Variants in CAMKMT observed in about 807,000 individuals in gnomAD.
The protein encoded by CAMKMT is calmodulin-lysine N-methyltransferase.
Under a neutral mutation model 48.0 loss-of-function variants are expected in CAMKMT, and 53 were observed. The observed-to-expected ratio is 1.10, with a 90% CI of 0.89 to 1.39. CAMKMT has a LOEUF of 1.39. Ranked by LOEUF, CAMKMT falls within the 40% of genes most tolerant of loss-of-function variation. The pLI is 0.00. For synonymous variants in CAMKMT, 165 were observed against 152.3 expected, an observed-to-expected ratio of 1.08 and a Z score of -0.61; for missense variants, 428 against 402.7, an observed-to-expected ratio of 1.06 and a Z score of -0.54.
chr2:44,669,294 T>C (rs565264689), intron 3 of CAMKMT, among the ~76,000 whole-genome samples: 12 of 152,356 alleles, frequency 7.9e-5, no homozygotes, highest in Non-Finnish European at 1.6e-4. Flanking sequence ...AATATTCTAC[T>C]GTATGATATT....
At chr2:44,430,769 G>C (rs376274780) in intron 3 of CAMKMT, among the ~76,000 whole-genome samples, 8 of 152,082 alleles carry the variant, frequency 5.3e-5, no homozygotes, top group African/African-American at 1.9e-4. Context: ...TGGCTTTACT[G>C]TTAAAAGTAA....
At chr2:44,478,959 A>C (rs554673194) in intron 3 of CAMKMT, among the ~76,000 whole-genome samples, 25 of 152,262 alleles carry the variant, frequency 1.6e-4, no homozygotes, top group African/African-American at 6.0e-4. Flanking sequence ...TCGGCCTCCC[A>C]AGGTGCTGGG....
At chr2:44,441,737 T>G (rs1666677018) in intron 3 of CAMKMT, among the ~76,000 whole-genome samples, 1 of 152,230 alleles carries the variant, frequency 6.6e-6, no homozygotes, top group South Asian at 2.1e-4. Context: ...CTTATATAAC[T>G]AGTTGTACTG....
intron 3 of CAMKMT, among the ~76,000 whole-genome samples, chr2:44,409,499 C>T (rs1046314839): frequency 6.6e-6 from 1 of 152,062 alleles, no homozygotes; most frequent in East Asian, 1.9e-4. Context: ...TGCGTTATCA[C>T]AAATAAGTAA....
At chr2:44,661,848 G>C (rs1209433096) in intron 3 of CAMKMT, among the ~76,000 whole-genome samples, 3 of 152,112 alleles carry the variant, frequency 2.0e-5, no homozygotes, top group Non-Finnish European at 2.9e-5. Flanking sequence ...GACAGGTGGT[G>C]GTAAAATAGA....
At chr2:44,615,059 T>C (rs568813362) in intron 3 of CAMKMT, among the ~76,000 whole-genome samples, 2 of 124,534 alleles carry the variant, frequency 1.6e-5, no homozygotes, top group African/African-American at 5.9e-5. Context: ...ACCTGAGTAG[T>C]TGGGACTACA....
At chr2:44,622,092 C>T (rs2103936867) in intron 3 of CAMKMT, among the ~76,000 whole-genome samples, 1 of 152,280 alleles carries the variant, frequency 6.6e-6, no homozygotes, top group African/African-American at 2.4e-5. Flanking sequence ...AAATCATTCT[C>T]TAGGAGAGTC....
intron 3 of CAMKMT, among the ~76,000 whole-genome samples, chr2:44,482,408 G>C (rs2104686288): frequency 1.3e-5 from 2 of 152,246 alleles, no homozygotes; most frequent in South Asian, 4.1e-4. Context: ...TAGTGTGAAT[G>C]ATTATCATTG....
At chr2:44,688,163 A>G (rs963531054) in intron 3 of CAMKMT, among the ~76,000 whole-genome samples, 2 of 152,212 alleles carry the variant, frequency 1.3e-5, no homozygotes, top group African/African-American at 4.8e-5. Flanking sequence ...AAACTGGGGA[A>G]GGAAAATGAA....
intron 3 of CAMKMT, among the ~76,000 whole-genome samples, chr2:44,424,568 C>G (rs1238116285): frequency 1.3e-5 from 2 of 152,154 alleles, no homozygotes; most frequent in Non-Finnish European, 2.9e-5. Flanking sequence ...ACTACCAGGC[C>G]TGACGGAATA....
chr2:44,516,305 A>G (rs1172966640), intron 3 of CAMKMT, among the ~76,000 whole-genome samples: 1 of 152,206 alleles, frequency 6.6e-6, no homozygotes, highest in Non-Finnish European at 1.5e-5. Flanking sequence ...GGGGGAAGCC[A>G]TGCAGTTAAA....
intron 3 of CAMKMT, among the ~76,000 whole-genome samples, chr2:44,438,016 C>T (rs1666388063): frequency 6.6e-6 from 1 of 152,008 alleles, no homozygotes; most frequent in African/African-American, 2.4e-5. Flanking sequence ...CTTCTTATTC[C>T]ATGTTCTAAG....
chr2:44,732,581 T>C (rs1277330561), intron 7 of CAMKMT, among the ~76,000 whole-genome samples: 2 of 152,230 alleles, frequency 1.3e-5, no homozygotes, highest in African/African-American at 4.8e-5. Flanking sequence ...GTTCAGTTTG[T>C]TTAAAAAACA....
At chr2:44,741,190 G>T (rs1679658582) in intron 7 of CAMKMT, among the ~76,000 whole-genome samples, 1 of 152,202 alleles carries the variant, frequency 6.6e-6, no homozygotes, top group African/African-American at 2.4e-5. Context: ...AAAAGTATTG[G>T]TCTGCAACAG....
intron 3 of CAMKMT, among the ~76,000 whole-genome samples, chr2:44,523,292 C>CTT (rs869152391): frequency 2.4e-4 from 32 of 131,262 alleles, no homozygotes; most frequent in African/African-American, 6.2e-4. Flanking sequence ...AGGGGACCCA[C>CTT]TTTTTTTTTT....
intron 3 of CAMKMT, among the ~76,000 whole-genome samples, chr2:44,489,656 A>C (rs1308351825): frequency 6.6e-6 from 1 of 152,222 alleles, no homozygotes; most frequent in Non-Finnish European, 1.5e-5. Flanking sequence ...AAAACCTTGC[A>C]AACTAATTGC....
intron 3 of CAMKMT, among the ~76,000 whole-genome samples, chr2:44,638,933 A>G (rs1673296551): frequency 6.6e-6 from 1 of 152,208 alleles, no homozygotes; most frequent in Non-Finnish European, 1.5e-5. Flanking sequence ...TAAGCCTTCA[A>G]GTGGGGAAAA....
intron 3 of CAMKMT, among the ~76,000 whole-genome samples, chr2:44,538,560 G>A (rs1278253995): frequency 2.0e-5 from 3 of 151,954 alleles, no homozygotes. Context: ...CTTATAAGTG[G>A]GAACTAAACT....
intron 3 of CAMKMT, among the ~76,000 whole-genome samples, chr2:44,430,774 A>G (rs565194227): frequency 6.6e-6 from 1 of 152,280 alleles, no homozygotes; most frequent in East Asian, 1.9e-4. Flanking sequence ...TTACTGTTAA[A>G]AGTAAATGAC....
Sources: gnomAD v4.1 joint callset for allele counts (sites outside exome capture counted in the v4.1 genomes callset) on GRCh38, gnomAD v4.1.1 for gene constraint, MANE v1.5 for transcripts, NCBI Gene and HGNC (gene_info 2026-07-23, HGNC 2026-07-21) for gene names.